Variants in GPC6 observed in about 807,000 individuals in gnomAD.
GPC6 encodes glypican 6.
GPC6 carries 14 observed loss-of-function variants against 55.2 expected under a neutral mutation model. The ratio of observed to expected loss-of-function variants is 0.25; its 90% confidence interval spans 0.17 to 0.40. The LOEUF is 0.40. GPC6 is among the 10% of genes least tolerant of loss of function. GPC6 has a pLI of 1.00. For missense variants in GPC6, 641 were observed against 708.5 expected, an observed-to-expected ratio of 0.90 and a Z score of 1.08; for synonymous variants, 278 against 259.6, an observed-to-expected ratio of 1.07 and a Z score of -0.68.
At chr13:93,535,140 T>A (rs1882005386) in intron 1 of GPC6, among the ~76,000 whole-genome samples, 1 of 152,178 alleles carries the variant, frequency 6.6e-6, no homozygotes, top group Non-Finnish European at 1.5e-5. Flanking sequence ...TGGCTCCTTT[T>A]CAGTTGAGCT....
At chr13:93,381,755 AG>A (rs1297284427) in intron 1 of GPC6, among the ~76,000 whole-genome samples, 1 of 152,176 alleles carries the variant, frequency 6.6e-6, no homozygotes, top group Non-Finnish European at 1.5e-5. Context: ...AAGTGGCACT[AG>A]AATATAGGCC....
chr13:93,918,866 G>A (rs923390291), intron 3 of GPC6, among the ~76,000 whole-genome samples: 1 of 152,154 alleles, frequency 6.6e-6, no homozygotes, highest in Non-Finnish European at 1.5e-5. Context: ...ATTAGTAAAA[G>A]AAAGTGTCTG....
intron 7 of GPC6, among the ~76,000 whole-genome samples, chr13:94,384,001 G>A (rs1409956996): frequency 6.6e-6 from 1 of 152,164 alleles, no homozygotes; most frequent in Non-Finnish European, 1.5e-5. Flanking sequence ...CTTGATCCAA[G>A]GTCCTGTTCT....
At chr13:93,505,929 G>A (rs1880694682) in intron 1 of GPC6, among the ~76,000 whole-genome samples, 1 of 152,180 alleles carries the variant, frequency 6.6e-6, no homozygotes. Context: ...GACTGCCTGT[G>A]TATCTATTAT....
upstream of GPC6, among the ~76,000 whole-genome samples, chr13:93,226,118 G>A (rs1459408227): frequency 6.6e-6 from 1 of 152,088 alleles, no homozygotes; most frequent in Non-Finnish European, 1.5e-5. Flanking sequence ...TAACTTGGAA[G>A]AAAATGTTAA....
intron 4 of GPC6, among the ~76,000 whole-genome samples, chr13:94,154,796 T>C (rs917502857): frequency 2.0e-5 from 3 of 152,208 alleles, no homozygotes; most frequent in African/African-American, 7.2e-5. Context: ...CTCCTGAGGT[T>C]TTAACACATT....
chr13:93,764,783 A>G (rs1046239901), intron 2 of GPC6, among the ~76,000 whole-genome samples: 2 of 151,990 alleles, frequency 1.3e-5, no homozygotes, highest in Non-Finnish European at 2.9e-5. Context: ...TTCAGAAAAA[A>G]CTAATACAAT....
At chr13:93,490,232 G>T (rs1479786944) in intron 1 of GPC6, among the ~76,000 whole-genome samples, 1 of 151,366 alleles carries the variant, frequency 6.6e-6, no homozygotes, top group African/African-American at 2.4e-5. Context: ...TAATCATGTG[G>T]TTTTTGTCTT....
chr13:94,300,071 G>A (rs1875560675), intron 5 of GPC6, among the ~76,000 whole-genome samples: 1 of 152,072 alleles, frequency 6.6e-6, no homozygotes, highest in South Asian at 2.1e-4. Flanking sequence ...AGCTCTGTTT[G>A]CAAATTTCAA....
At position 94,027,710 on chromosome 13, in the gene GPC6, C is replaced by T; in HGVS notation, c.712-19C>T. 1 of 1,611,526 alleles carries T rather than the reference C, an allele frequency of 6.2e-7. No individual in the cohort carries two copies. The highest frequency in any genetic ancestry group is 8.5e-7 in the Non-Finnish European group (1 of 1,178,010). ...CCTTCTTATTTTTGATTTTCTTTTT[C>T]TTTGCAATAAATCTGCAGGTCAGCC... On this transcript the variant is annotated intron_variant, in intron 3 of 8. Transcript: ENST00000377047.
intron 1 of GPC6, among the ~76,000 whole-genome samples, chr13:93,366,218 G>A (rs1451093238): frequency 6.6e-6 from 1 of 151,944 alleles, no homozygotes; most frequent in Non-Finnish European, 1.5e-5. Flanking sequence ...AAATTTACAT[G>A]GAAAAACCCC....
chr13:93,979,497 G>C (rs1456800107), intron 3 of GPC6, among the ~76,000 whole-genome samples: 4 of 151,646 alleles, frequency 2.6e-5, no homozygotes, highest in African/African-American at 9.7e-5. Flanking sequence ...GTAGAGCAAT[G>C]CTACCCAGAG....
intron 2 of GPC6, among the ~76,000 whole-genome samples, chr13:93,759,686 C>G (rs1884894241): frequency 6.6e-6 from 1 of 152,094 alleles, no homozygotes; most frequent in Non-Finnish European, 1.5e-5. Context: ...ATCTTATTTT[C>G]AGAATTTCCT....
intron 2 of GPC6, among the ~76,000 whole-genome samples, chr13:93,781,616 A>C (rs1355157843): frequency 6.6e-6 from 1 of 152,214 alleles, no homozygotes; most frequent in African/African-American, 2.4e-5. Flanking sequence ...TAGTGAAATC[A>C]GAAATGATTT....
intron 2 of GPC6, among the ~76,000 whole-genome samples, chr13:93,571,396 T>C (rs1876397935): frequency 6.6e-6 from 1 of 152,204 alleles, no homozygotes; most frequent in Non-Finnish European, 1.5e-5. Context: ...AATCTTGTTT[T>C]AATTATCTCA....
chr13:93,940,754 G>A (rs1025418430), intron 3 of GPC6, among the ~76,000 whole-genome samples: 2 of 152,108 alleles, frequency 1.3e-5, no homozygotes, highest in Non-Finnish European at 2.9e-5. Context: ...TAGAATAAAA[G>A]TGTTGTGATT....
intron 3 of GPC6, among the ~76,000 whole-genome samples, chr13:93,858,732 A>T (rs1888709896): frequency 6.6e-6 from 1 of 151,552 alleles, no homozygotes; most frequent in Non-Finnish European, 1.5e-5. Context: ...AGCCATGCAG[A>T]GCTCATTGGT....
intron 1 of GPC6, among the ~76,000 whole-genome samples, chr13:93,524,361 G>C (rs1443495468): frequency 6.6e-6 from 1 of 151,976 alleles, no homozygotes; most frequent in Non-Finnish European, 1.5e-5. Flanking sequence ...GAAGTAAGTT[G>C]CTTCACCTCT....
At chr13:94,033,645 A>G (rs1482372893) in intron 4 of GPC6, among the ~76,000 whole-genome samples, 1 of 152,224 alleles carries the variant, frequency 6.6e-6, no homozygotes, top group East Asian at 1.9e-4. Flanking sequence ...CTCAGGCATA[A>G]AAGTCCATAA....
Sources: gnomAD v4.1 joint callset for allele counts (sites outside exome capture counted in the v4.1 genomes callset) on GRCh38, gnomAD v4.1.1 for gene constraint, MANE v1.5 for transcripts, NCBI Gene and HGNC (gene_info 2026-07-23, HGNC 2026-07-21) for gene names.